The following NYAP2 variants were observed in gnomAD, a reference collection of about 807,000 sequenced individuals.
NYAP2 encodes the protein neuronal tyrosine-phosphorylated phosphoinositide-3-kinase adaptor 2, also known as neuronal tyrosine-phosphorylated phosphoinositide-3-kinase adapter 2.
Under a neutral mutation model 50.4 loss-of-function variants are expected in NYAP2, and 23 were observed. That is an observed-to-expected ratio of 0.46 (90% confidence interval 0.33 to 0.65). The LOEUF is 0.65. Ranked by LOEUF, NYAP2 falls within the 30% of genes least tolerant of loss-of-function variation. The pLI is 0.02. For synonymous variants in NYAP2, 394 were observed against 365.2 expected (o/e 1.08, Z -0.90); for missense variants, 885 against 861.0 (o/e 1.03, Z -0.35).
At chr2:225,476,417 A>T (rs1367876416) in intron 3 of NYAP2, among the ~76,000 whole-genome samples, 1 of 152,016 alleles carries the variant, frequency 6.6e-6, no homozygotes. Flanking sequence ...TGTCTCAAAA[A>T]AAAAAAAAAA....
At chr2:225,409,273 C>A (rs184589416) in intron 3 of NYAP2, among the ~76,000 whole-genome samples, 172 bp downstream of exon 3, 1 of 152,058 alleles carries the variant, frequency 6.6e-6, no homozygotes, top group East Asian at 1.9e-4. Flanking sequence ...CCCACACTGC[C>A]AACAGCATCC....
chr2:225,586,210 C>A (rs1194558696), intron 5 of NYAP2, among the ~76,000 whole-genome samples: 4 of 152,008 alleles, frequency 2.6e-5, no homozygotes, highest in Non-Finnish European at 5.9e-5. Context: ...AAATGCACAC[C>A]AAATGTATCA....
At chr2:225,475,357 T>C (rs1458350393) in intron 3 of NYAP2, among the ~76,000 whole-genome samples, 1 of 152,236 alleles carries the variant, frequency 6.6e-6, no homozygotes, top group African/African-American at 2.4e-5. Flanking sequence ...TTCTCTTTGT[T>C]CTACCCTCCC....
chr2:225,497,249 C>T (rs1363290653), intron 3 of NYAP2, among the ~76,000 whole-genome samples: 1 of 152,190 alleles, frequency 6.6e-6, no homozygotes, highest in African/African-American at 2.4e-5. Flanking sequence ...TTCAATCTAT[C>T]ATATTATTAC....
chr2:225,554,321 CTT>C (rs751259949), intron 4 of NYAP2, among the ~76,000 whole-genome samples: 16 of 131,590 alleles, frequency 1.2e-4, no homozygotes, highest in Admixed American at 4.6e-4. Flanking sequence ...AAACATTTAT[CTT>C]TTTTTTTTTT....
At chr2:225,575,235 G>T (rs982809995) in intron 4 of NYAP2, among the ~76,000 whole-genome samples, 17 of 152,144 alleles carry the variant, frequency 1.1e-4, no homozygotes, top group African/African-American at 3.9e-4. Flanking sequence ...TTCCTTAACA[G>T]CTTTAGAGCT....
intron 5 of NYAP2, among the ~76,000 whole-genome samples, chr2:225,606,252 A>G (rs985085363): frequency 1.1e-4 from 16 of 152,110 alleles, no homozygotes; most frequent in Non-Finnish European, 2.1e-4. Flanking sequence ...GTGCGGTGCT[A>G]TGACTGGGAC....
chr2:225,451,279 C>T (rs1689645665), intron 3 of NYAP2, among the ~76,000 whole-genome samples: 1 of 152,126 alleles, frequency 6.6e-6, no homozygotes, highest in Non-Finnish European at 1.5e-5. Context: ...ACCATCTGTT[C>T]ATGTCCACTG....
chr2:225,621,440 A>G (rs1394291436), intron 5 of NYAP2, among the ~76,000 whole-genome samples: 1 of 152,208 alleles, frequency 6.6e-6, no homozygotes, highest in Non-Finnish European at 1.5e-5. Flanking sequence ...TCTTAGAGAC[A>G]GAAAGTAGAG....
chr2:225,698,366 T>C, the NYAP2 span: 6 of 152,292 alleles, frequency 3.9e-5, no homozygotes, highest in Admixed American at 6.6e-5. Flanking sequence ...CTTGAGATGA[T>C]TGAGAAAAAG....
At chr2:225,620,253 AAG>A (rs1439105710) in intron 5 of NYAP2, among the ~76,000 whole-genome samples, 1 of 152,232 alleles carries the variant, frequency 6.6e-6, no homozygotes, top group African/African-American at 2.4e-5. Context: ...TATATATTAC[AAG>A]AGTCTAATTG....
chr2:225,495,557 T>C (rs1690489885), intron 3 of NYAP2, among the ~76,000 whole-genome samples: 1 of 152,122 alleles, frequency 6.6e-6, no homozygotes, highest in Non-Finnish European at 1.5e-5. Context: ...CAGGGAGAGA[T>C]AATTTGTTTT....
chr2:225,497,039 A>T (rs1366367407), intron 3 of NYAP2, among the ~76,000 whole-genome samples: 1 of 152,184 alleles, frequency 6.6e-6, no homozygotes, highest in African/African-American at 2.4e-5. Context: ...TCAAAGGCAA[A>T]TTAACACTGG....
chr2:225,531,347 G>A (rs1691251008), intron 4 of NYAP2, among the ~76,000 whole-genome samples: 1 of 152,126 alleles, frequency 6.6e-6, no homozygotes, highest in Admixed American at 6.5e-5. Flanking sequence ...CATCCCTCAA[G>A]GAACAGGGTC....
chr2:225,547,088 T>G (rs1691598325), intron 4 of NYAP2, among the ~76,000 whole-genome samples: 1 of 152,020 alleles, frequency 6.6e-6, no homozygotes, highest in Non-Finnish European at 1.5e-5. Context: ...TCTTTACTCT[T>G]CCCTCTCCTC....
At chr2:225,506,299 G>A (rs928700391) in intron 3 of NYAP2, among the ~76,000 whole-genome samples, 38 of 152,188 alleles carry the variant, frequency 2.5e-4, no homozygotes, top group Admixed American at 2.4e-3. Context: ...GTAAGTGAAT[G>A]TGACCAGCCA....
At chr2:225,504,370 G>A (rs1690665953) in intron 3 of NYAP2, among the ~76,000 whole-genome samples, 2 of 151,986 alleles carry the variant, frequency 1.3e-5, no homozygotes, top group Admixed American at 6.6e-5. Flanking sequence ...ACTTCCCAAA[G>A]TCTCCATCTG....
chr2:225,519,313 G>A (rs1168013464), intron 4 of NYAP2, among the ~76,000 whole-genome samples: 7 of 149,678 alleles, frequency 4.7e-5, no homozygotes, highest in African/African-American at 7.4e-5. Context: ...GGGTACATGC[G>A]CACAATGTGC....
chr2:225,635,554 T>C (rs1274545411), intron 6 of NYAP2, among the ~76,000 whole-genome samples: 1 of 152,214 alleles, frequency 6.6e-6, no homozygotes, highest in Non-Finnish European at 1.5e-5. Flanking sequence ...CAAGACTAGA[T>C]GTTTTCTTTT....
Sources: allele counts gnomAD v4.1 joint callset (sites outside exome capture counted in the v4.1 genomes callset), GRCh38; gene constraint gnomAD v4.1.1; transcripts MANE v1.5; gene names NCBI Gene and HGNC (gene_info 2026-07-23, HGNC 2026-07-21).